ITPR2: variants seen among roughly 807,000 people sequenced by gnomAD.
The protein encoded by ITPR2 is inositol 1,4,5-trisphosphate receptor type 2, also known as inositol 1,4,5-trisphosphate-gated calcium channel ITPR2.
Under a neutral mutation model 317.1 loss-of-function variants are expected in ITPR2, and 207 were observed. The observed-to-expected ratio is 0.65, with a 90% CI of 0.58 to 0.73. The LOEUF (loss-of-function observed/expected upper bound fraction) is 0.73. Among genes scored for constraint, ITPR2 ranks in the 30% least tolerant of loss-of-function variants. The pLI is 0.00. For missense variants in ITPR2, 2,613 were observed against 3,284.0 expected, an observed-to-expected ratio of 0.80 and a Z score of 4.99; for synonymous variants, 1,156 against 1,149.1, an observed-to-expected ratio of 1.01 and a Z score of -0.12.
intron 37 of ITPR2, among the ~76,000 whole-genome samples, chr12:26,510,816 G>C (rs560299583): frequency 7.2e-5 from 11 of 152,194 alleles, no homozygotes; most frequent in Non-Finnish European, 1.2e-4. Flanking sequence ...AGCAGCAAGA[G>C]TCAACTGCAT....
chr12:26,584,330 A>T (rs1367584627), intron 32 of ITPR2, among the ~76,000 whole-genome samples: 1 of 152,194 alleles, frequency 6.6e-6, no homozygotes, highest in Admixed American at 6.5e-5. Flanking sequence ...TGTCTCTGCC[A>T]TTAGGATATA....
rs867242227 is a variant in ITPR2 at position 26,460,716 on chromosome 12, A to G, written c.6342+14580T>C. On this transcript the variant is annotated intron_variant, in intron 45 of 56. Transcript: ENST00000381340. ...CAGGCCCTACTCCAGATATTCTCAG[A>G]GTCTCTGGGGTCGGGGTCCCGGAAT... is the stretch of plus-strand genomic sequence containing the variant. Among the ~76,000 whole-genome samples the G allele has an allele frequency of 4.6e-5, 7 of 152,270 alleles. 1 individual carries two copies. In the Middle Eastern group the frequency reaches 0.02, roughly 444 times the overall value.
chr12:26,775,911 C>T (rs549194308), intron 2 of ITPR2, among the ~76,000 whole-genome samples: 1 of 71,220 alleles, frequency 1.4e-5, no homozygotes, highest in Admixed American at 1.3e-4. Flanking sequence ...TCAGTCAATA[C>T]CACTTAATAA....
chr12:26,545,357 C>A (rs531845644), intron 37 of ITPR2, among the ~76,000 whole-genome samples: 1 of 151,222 alleles, frequency 6.6e-6, no homozygotes, highest in African/African-American at 2.4e-5. Flanking sequence ...CAGAGTAGGA[C>A]GAGATGTGAC....
intron 37 of ITPR2, among the ~76,000 whole-genome samples, chr12:26,497,708 ATTTTT>A (rs34121849): frequency 1.6e-5 from 2 of 126,520 alleles, no homozygotes; most frequent in Non-Finnish European, 1.7e-5. Flanking sequence ...AGTGCCAAGA[ATTTTT>A]TTTTTTTTTT....
chr12:26,339,982 G>A (rs961197638), intron 56 of ITPR2, among the ~76,000 whole-genome samples, 185 bp downstream of exon 56: 16 of 152,188 alleles, frequency 1.1e-4, no homozygotes, highest in African/African-American at 3.6e-4. Context: ...GAGGCTCAGG[G>A]AGATGGGATA....
chr12:26,697,993 T>C (rs376183342), intron 9 of ITPR2, among the ~76,000 whole-genome samples: 4 of 152,128 alleles, frequency 2.6e-5, no homozygotes, highest in East Asian at 1.9e-4. Context: ...TATCCCTCCA[T>C]ACAGAAGGAA....
chr12:26,727,897 G>T (rs557463319), intron 2 of ITPR2, among the ~76,000 whole-genome samples: 4 of 152,296 alleles, frequency 2.6e-5, no homozygotes, highest in African/African-American at 9.6e-5. Context: ...ATTCAGCACA[G>T]GGGCAAGAGG....
intron 55 of ITPR2, among the ~76,000 whole-genome samples, chr12:26,350,804 G>T (rs923960371): frequency 6.6e-6 from 1 of 152,052 alleles, no homozygotes; most frequent in Admixed American, 6.6e-5. Context: ...GCTGCATAAA[G>T]AAGTGCAATT....
intron 32 of ITPR2, among the ~76,000 whole-genome samples, chr12:26,582,871 T>C (rs543425994): frequency 6.6e-6 from 1 of 152,302 alleles, no homozygotes; most frequent in East Asian, 1.9e-4. Flanking sequence ...TCAGCTAATG[T>C]GAGGCTCTTG....
intron 45 of ITPR2, among the ~76,000 whole-genome samples, chr12:26,466,837 T>G (rs1382579839): frequency 6.6e-6 from 1 of 152,208 alleles, no homozygotes; most frequent in African/African-American, 2.4e-5. Flanking sequence ...GCCAACATAT[T>G]ACTGAGCTAC....
intron 30 of ITPR2, among the ~76,000 whole-genome samples, chr12:26,597,722 G>C (rs1945884179): frequency 6.6e-6 from 1 of 152,138 alleles, no homozygotes; most frequent in Non-Finnish European, 1.5e-5. Context: ...GGTCTTTTAA[G>C]ACATAAATTT....
At chr12:26,597,157 T>G in intron 30 of ITPR2, 23 bp from the exon 31 acceptor site, 1 of 1,612,436 alleles carries the variant, frequency 6.2e-7, no homozygotes. Context: ...TAAGAGAGTC[T>G]ATGTAGCAGT....
At chr12:26,534,665 T>TA (rs1477864638) in intron 37 of ITPR2, among the ~76,000 whole-genome samples, 1 of 152,176 alleles carries the variant, frequency 6.6e-6, no homozygotes, top group Non-Finnish European at 1.5e-5. Flanking sequence ...TGTAAATTTT[T>TA]AAAAAAGATG....
intron 1 of ITPR2, among the ~76,000 whole-genome samples, chr12:26,810,426 A>G (rs1007382431): frequency 2.6e-5 from 4 of 152,210 alleles, no homozygotes; most frequent in African/African-American, 9.7e-5. Context: ...CCTGTGCCCA[A>G]CCTTTTTCCT....
intron 36 of ITPR2, among the ~76,000 whole-genome samples, chr12:26,555,017 C>A (rs1441375452): frequency 6.8e-6 from 1 of 146,682 alleles, no homozygotes; most frequent in Non-Finnish European, 1.6e-5. Flanking sequence ...ACTTTAAAAT[C>A]CTTACTCACA....
intron 55 of ITPR2, among the ~76,000 whole-genome samples, chr12:26,360,760 C>T (rs900904392): frequency 6.6e-6 from 1 of 152,126 alleles, no homozygotes; most frequent in African/African-American, 2.4e-5. Flanking sequence ...GTAAATTTCA[C>T]CAAAAAATTT....
chr12:26,783,853 G>A (rs533652750), intron 2 of ITPR2, among the ~76,000 whole-genome samples: 11 of 152,162 alleles, frequency 7.2e-5, no homozygotes, highest in Admixed American at 3.9e-4. Flanking sequence ...TACCTAGCTA[G>A]TACTCTTCAA....
chr12:26,715,450 CA>C lies in ITPR2; in HGVS notation c.709-6del. The C allele has an allele frequency of 6.2e-7, 1 of 1,610,336 alleles. No individual in the cohort carries two copies. ...AAATAATCTAACAACGTCCCCCTAGCAAAAAGGTCAAGAGACATCTGAACAA... is the reference window on the plus strand; with the variant it reads ...AAATAATCTAACAACGTCCCCCTAGCAAAAGGTCAAGAGACATCTGAACAA... On this transcript the variant is annotated splice_polypyrimidine_tract_variant and splice_region_variant and intron_variant, in intron 7 of 56. Transcript: ENST00000381340.
Sources: allele counts gnomAD v4.1 joint callset (sites outside exome capture counted in the v4.1 genomes callset), GRCh38; gene constraint gnomAD v4.1.1; transcripts MANE v1.5; gene names NCBI Gene and HGNC (gene_info 2026-07-23, HGNC 2026-07-21).